The following LINGO2 variants were observed in gnomAD, a reference collection of about 807,000 sequenced individuals.
The protein encoded by LINGO2 is leucine rich repeat and Ig domain containing 2.
Under a neutral mutation model 30.6 loss-of-function variants are expected in LINGO2, and 14 were observed. The ratio of observed to expected loss-of-function variants is 0.46; its 90% CI spans 0.30 to 0.72. LINGO2 has a LOEUF of 0.72. Among genes scored for constraint, LINGO2 ranks in the 30% least tolerant of loss-of-function variants. LINGO2 has a pLI of 0.07. For missense variants in LINGO2, 729 were observed against 751.7 expected, an observed-to-expected ratio of 0.97 and a Z score of 0.35; for synonymous variants, 317 against 288.5, an observed-to-expected ratio of 1.10 and a Z score of -1.00.
chr9:28,349,384 G>T (rs1167408845), intron 3 of LINGO2, among the ~76,000 whole-genome samples: 3 of 136,692 alleles, frequency 2.2e-5, no homozygotes, highest in Admixed American at 1.5e-4. Flanking sequence ...CGATCAACTG[G>T]AAGAAAGGGT....
At position 28,636,362 on chromosome 9, in the gene LINGO2, T is replaced by C. The variant is rs553259021; in HGVS notation, c.-365+33838A>G. The stretch of plus-strand genomic sequence containing the variant: ...CCAGTAATGGGATGGCGGGGACAAA[T>C]GGTATTTCTAGTTCTAGATCCCGGA... On this transcript the variant is annotated intron_variant, in intron 1 of 5. Transcript: ENST00000379992. Among the ~76,000 whole-genome samples, 166 of 152,180 alleles carry C rather than the reference T, an allele frequency of 1.1e-3. 2 individuals carry two copies. Among genetic ancestry groups the C allele is most frequent in the Non-Finnish European group, 2.0e-3 (133 of 68,028 alleles).
chr9:28,121,193 A>C (rs904851372), intron 4 of LINGO2, among the ~76,000 whole-genome samples: 1 of 152,220 alleles, frequency 6.6e-6, no homozygotes, highest in Non-Finnish European at 1.5e-5. Context: ...TGGTGAAAAA[A>C]TGCTAGAGAG....
At chr9:28,312,005 T>C (rs1035103416) in intron 3 of LINGO2, among the ~76,000 whole-genome samples, 4 of 152,212 alleles carry the variant, frequency 2.6e-5, no homozygotes, top group African/African-American at 7.2e-5. Flanking sequence ...CAATTTATGT[T>C]CTTCTGCCAT....
intron 1 of LINGO2, among the ~76,000 whole-genome samples, chr9:28,502,781 A>T (rs1478341831): frequency 5.3e-5 from 8 of 152,242 alleles, no homozygotes; most frequent in Middle Eastern, 3.4e-3. Flanking sequence ...ATATAGCACT[A>T]AAAACATTCC....
At chr9:29,077,749 A>T in the LINGO2 span, among the ~76,000 whole-genome samples, 29,965 of 151,900 alleles carry the variant, frequency 0.2, 3,108 homozygotes, top group African/African-American at 0.24. Context: ...GAATAATAAC[A>T]GTGTTGACAT....
intron 1 of LINGO2, among the ~76,000 whole-genome samples, chr9:28,541,408 TG>T (rs1489978127): frequency 6.6e-6 from 1 of 152,202 alleles, no homozygotes; most frequent in Non-Finnish European, 1.5e-5. Flanking sequence ...GGATGACTGA[TG>T]TAATTAGGAA....
intron 3 of LINGO2, among the ~76,000 whole-genome samples, chr9:28,367,609 G>T (rs1820727290): frequency 6.6e-6 from 1 of 151,644 alleles, no homozygotes; most frequent in African/African-American, 2.4e-5. Context: ...AGAAGTCATG[G>T]TCTATTCTGG....
the LINGO2 span, among the ~76,000 whole-genome samples, chr9:29,021,612 G>A: frequency 7.3e-5 from 11 of 151,228 alleles, no homozygotes; most frequent in South Asian, 2.1e-4. Context: ...AGCGGAAATC[G>A]CTCCACTGCA....
intron 4 of LINGO2, among the ~76,000 whole-genome samples, chr9:28,023,290 A>G (rs1007278343): frequency 2.6e-5 from 4 of 152,164 alleles, no homozygotes; most frequent in African/African-American, 9.7e-5. Context: ...TTAACCCATA[A>G]AAGTTTAATG....
Position 28,436,593 on chromosome 9 carries a change from T to G in LINGO2, c.-279+39347A>C, listed in dbSNP as rs935510443. ...CTGCCTCAGCCTCCAGATTAGCTGG[T>G]ACTACAGGTGCCCGCCACCACGACC... On this transcript the variant is annotated intron_variant, in intron 2 of 5. Coordinates refer to ENST00000379992, the Ensembl canonical transcript of LINGO2. 7.2e-5 allele frequency among the ~76,000 whole-genome samples: 11 copies of G among 152,040 alleles called. No individual in the cohort carries two copies. In the South Asian group the frequency reaches 1.2e-3, roughly 17 times the overall value.
At chr9:28,708,793 C>T in the LINGO2 span, among the ~76,000 whole-genome samples, 6 of 151,964 alleles carry the variant, frequency 3.9e-5, no homozygotes, top group Non-Finnish European at 7.4e-5. Flanking sequence ...ATCTATCCAT[C>T]TATTATTGTC....
chr9:29,062,734 T>C, the LINGO2 span, among the ~76,000 whole-genome samples: 2 of 152,100 alleles, frequency 1.3e-5, no homozygotes, highest in African/African-American at 4.8e-5. Context: ...TTTGGGAAAA[T>C]GAAAAATTTC....
At chr9:28,521,193 T>A (rs994666112) in intron 1 of LINGO2, among the ~76,000 whole-genome samples, 6 of 152,102 alleles carry the variant, frequency 3.9e-5, no homozygotes, top group African/African-American at 1.4e-4. Flanking sequence ...TTTTAAACCG[T>A]GTGGGATATT....
chr9:28,925,475 G>A, the LINGO2 span, among the ~76,000 whole-genome samples: 1 of 152,150 alleles, frequency 6.6e-6, no homozygotes, highest in Admixed American at 6.6e-5. Flanking sequence ...GGTTTCCTTG[G>A]TGGGTAATAC....
At chr9:28,011,794 CTGGCAAGAGAAG>C (rs1822567410) in intron 5 of LINGO2, among the ~76,000 whole-genome samples, 1 of 152,158 alleles carries the variant, frequency 6.6e-6, no homozygotes, top group Non-Finnish European at 1.5e-5. Flanking sequence ...AATGTTATTC[CTGGCAAGAGAAG>C]TGGCCTGATG....
the LINGO2 span, among the ~76,000 whole-genome samples, chr9:28,989,725 C>T: frequency 1.3e-5 from 2 of 152,162 alleles, no homozygotes; most frequent in Non-Finnish European, 2.9e-5. Flanking sequence ...ACTGCCTCTT[C>T]TTAGGGACAC....
chr9:28,928,096 G>A, the LINGO2 span, among the ~76,000 whole-genome samples: 1 of 152,176 alleles, frequency 6.6e-6, no homozygotes, highest in East Asian at 1.9e-4. Flanking sequence ...CAAAGATTTA[G>A]TCATTTATCC....
chr9:28,621,193 T>C (rs1389923867), intron 1 of LINGO2, among the ~76,000 whole-genome samples: 1 of 151,914 alleles, frequency 6.6e-6, no homozygotes, highest in African/African-American at 2.4e-5. Context: ...AACATAAAAA[T>C]GTATATATGT....
At chr9:28,677,003 G>A in the LINGO2 span, among the ~76,000 whole-genome samples, 1 of 152,032 alleles carries the variant, frequency 6.6e-6, no homozygotes, top group African/African-American at 2.4e-5. Flanking sequence ...TACAACATTA[G>A]CAAAATAATA....
Sources: allele counts gnomAD v4.1 joint callset (sites outside exome capture counted in the v4.1 genomes callset), GRCh38; gene constraint gnomAD v4.1.1; transcripts MANE v1.5; gene names NCBI Gene and HGNC (gene_info 2026-07-23, HGNC 2026-07-21).